Variants in HSD17B12 observed in about 807,000 individuals in gnomAD.
HSD17B12 encodes the protein very-long-chain 3-oxoacyl-CoA reductase.
Under a neutral mutation model 39.3 loss-of-function variants are expected in HSD17B12, and 32 were observed. That is an observed-to-expected ratio of 0.81 (90% CI 0.61 to 1.09). HSD17B12 has a LOEUF of 1.09. HSD17B12 is among the 50% of genes least tolerant of loss of function. The probability of loss-of-function intolerance (pLI) is 0.00; values close to 1 mark genes in which losing one functional copy is unlikely to be tolerated. For missense variants in HSD17B12, 342 were observed against 382.9 expected (o/e 0.89, Z 0.89); for synonymous variants, 150 against 146.7 (o/e 1.02, Z -0.16).
intron 3 of HSD17B12, among the ~76,000 whole-genome samples, chr11:43,788,940 G>C (rs966763435): frequency 1.3e-5 from 2 of 151,964 alleles, no homozygotes; most frequent in Admixed American, 6.6e-5. Flanking sequence ...TTTTACACTG[G>C]GTCCCACAAA....
chr11:43,817,655 GT>G (rs1290400130), intron 6 of HSD17B12, among the ~76,000 whole-genome samples: 1 of 151,970 alleles, frequency 6.6e-6, no homozygotes, highest in Non-Finnish European at 1.5e-5. Flanking sequence ...TCAGTGGGCT[GT>G]GTTTGGCTTT....
At chr11:43,807,074 G>A (rs1460845964) in intron 4 of HSD17B12, among the ~76,000 whole-genome samples, 1 of 152,112 alleles carries the variant, frequency 6.6e-6, no homozygotes, top group African/African-American at 2.4e-5. Context: ...CAGACAAAAT[G>A]TTAACTGTAC....
intron 9 of HSD17B12, among the ~76,000 whole-genome samples, chr11:43,848,836 C>G (rs1471823973): frequency 1.3e-5 from 2 of 152,154 alleles, no homozygotes; most frequent in African/African-American, 4.8e-5. Flanking sequence ...GAAATCCTTG[C>G]AGCATACCCA....
chr11:43,626,377 C>A, the HSD17B12 span, among the ~76,000 whole-genome samples: 1 of 151,508 alleles, frequency 6.6e-6, no homozygotes, highest in Non-Finnish European at 1.5e-5. Context: ...GAATATAAAC[C>A]TTCTATTTAT....
At chr11:43,833,369 C>T (rs1951333418) in intron 7 of HSD17B12, 1 of 152,164 alleles carries the variant, frequency 6.6e-6, no homozygotes, top group Admixed American at 6.5e-5. Context: ...GGATCTGAGG[C>T]TCCTTCCATC....
the HSD17B12 span, chr11:43,569,946 T>A: frequency 1.3e-5 from 2 of 152,630 alleles, no homozygotes; most frequent in Non-Finnish European, 2.9e-5. Flanking sequence ...CACCACCAAC[T>A]CAGCTCCTTC....
the HSD17B12 span, among the ~76,000 whole-genome samples, chr11:43,638,936 C>T: frequency 6.6e-6 from 1 of 152,078 alleles, no homozygotes; most frequent in Admixed American, 6.5e-5. Flanking sequence ...AAGGGCTCCC[C>T]ACTGTGCTAG....
chr11:43,855,139 C>G lies in HSD17B12; in HGVS notation c.835-5C>G, dbSNP rs1419459888. ...TTACATATCTCTCTCATTCTGTTTC[C>G]CTAGGGCTCGATAATCTCAAACCTG... On this transcript the variant is annotated splice_polypyrimidine_tract_variant and splice_region_variant and intron_variant, in intron 10 of 10. Transcript: ENST00000278353. 1 of 1,577,834 alleles carries G rather than the reference C, an allele frequency of 6.3e-7. No homozygotes were observed. Among genetic ancestry groups the G allele is most frequent in the East Asian group, 2.2e-5 (1 of 44,588 alleles).
chr11:43,672,119 G>C, the HSD17B12 span, among the ~76,000 whole-genome samples: 1 of 152,240 alleles, frequency 6.6e-6, no homozygotes, highest in African/African-American at 2.4e-5. Flanking sequence ...CATGATCTCG[G>C]CTCACTGAAA....
At chr11:43,592,510 T>C in the HSD17B12 span, among the ~76,000 whole-genome samples, 5 of 152,182 alleles carry the variant, frequency 3.3e-5, no homozygotes, top group Non-Finnish European at 7.4e-5. Context: ...AAATACTTCA[T>C]TGTTTCTCAT....
At chr11:43,614,648 C>G in the HSD17B12 span, among the ~76,000 whole-genome samples, 1 of 152,092 alleles carries the variant, frequency 6.6e-6, no homozygotes, top group Non-Finnish European at 1.5e-5. Context: ...CTCTTTCTCT[C>G]CTGAGACCAT....
rs12807866 is a variant in HSD17B12 at position 43,831,333 on chromosome 11, C to T, written c.536+323C>T. On this transcript the variant is annotated intron_variant, in intron 7 of 10. Coordinates refer to ENST00000278353, the MANE Select transcript of HSD17B12 (RefSeq NM_016142.3). This position sits in a 1 kb window ranked among gnomAD's most constrained non-coding sequence, Gnocchi z 4.1. ...GCGGATAGAGTTCCTGGGATATTCC[C>T]GGGAATACCTTCTTAAAGCTGTATT... 5.3e-3 allele frequency: 968 copies of T among 182,672 alleles called. 12 individuals carry two copies. The highest frequency in any genetic ancestry group is 4.8e-3 in the Non-Finnish European group (420 of 88,420). 11.3% of individuals were successfully genotyped at this position (182,672 alleles called of 1,614,324 possible). A position where few individuals can be genotyped will look rare whatever the true frequency, so the allele number is the denominator to read the frequency against.
chr11:43,768,883 G>A (rs540462972), intron 3 of HSD17B12, among the ~76,000 whole-genome samples: 2 of 152,162 alleles, frequency 1.3e-5, no homozygotes, highest in African/African-American at 4.8e-5. Context: ...GTGCTGATTG[G>A]TCCATTTTTA....
the HSD17B12 span, among the ~76,000 whole-genome samples, chr11:43,619,215 A>AATATAT: frequency 1.5e-5 from 1 of 67,316 alleles, no homozygotes; most frequent in South Asian, 5.3e-4. Context: ...ATATATATAA[A>AATATAT]ATATATATAT....
chr11:43,815,297 G>A (rs947541236), intron 4 of HSD17B12, 140 bp from the exon 5 acceptor site: 1 of 445,648 alleles, frequency 2.2e-6, no homozygotes, highest in East Asian at 3.2e-5. Context: ...AGAAAGGTGT[G>A]GAAAAGGTTA....
intron 8 of HSD17B12, among the ~76,000 whole-genome samples, chr11:43,839,756 TC>T (rs1951406811): frequency 6.6e-6 from 1 of 152,190 alleles, no homozygotes. Context: ...AAAAGCCTTT[TC>T]CAGTTAAATC....
chr11:43,640,590 T>G, the HSD17B12 span, among the ~76,000 whole-genome samples: 1 of 152,078 alleles, frequency 6.6e-6, no homozygotes, highest in East Asian at 1.9e-4. Context: ...ATTTGAAGCT[T>G]AGACTATAGA....
chr11:43,672,141 C>T, the HSD17B12 span, among the ~76,000 whole-genome samples: 20 of 152,044 alleles, frequency 1.3e-4, no homozygotes, highest in Non-Finnish European at 1.6e-4. Flanking sequence ...CTCTGCCTCC[C>T]GGGTTCACGC....
chr11:43,834,310 C>G (rs1404459879), intron 7 of HSD17B12, among the ~76,000 whole-genome samples: 1 of 151,940 alleles, frequency 6.6e-6, no homozygotes, highest in Non-Finnish European at 1.5e-5. Flanking sequence ...CCCTCCCCCT[C>G]AAGAGCCTGC....
Sources: gnomAD v4.1 joint callset for allele counts (sites outside exome capture counted in the v4.1 genomes callset) on GRCh38, gnomAD v4.1.1 for gene constraint, Gnocchi (gnomAD v3.1) non-coding constraint, MANE v1.5 for transcripts, NCBI Gene and HGNC (gene_info 2026-07-23, HGNC 2026-07-21) for gene names.